Variants in TRPS1 observed in about 807,000 individuals in gnomAD.
TRPS1 encodes the protein transcriptional repressor GATA binding 1, also known as zinc finger transcription factor Trps1.
A neutral mutation model predicts 101.2 loss-of-function variants in TRPS1; 6 were observed. That is an observed-to-expected ratio of 0.06 (90% CI 0.03 to 0.12). TRPS1 has a LOEUF of 0.12. Among genes scored for constraint, TRPS1 ranks in the 10% least tolerant of loss-of-function variants. The pLI, the probability that TRPS1 is intolerant of heterozygous loss-of-function variation, is 1.00. For missense variants in TRPS1, 1,363 were observed against 1,567.0 expected, an observed-to-expected ratio of 0.87 and a Z score of 2.20; for synonymous variants, 578 against 589.8, an observed-to-expected ratio of 0.98 and a Z score of 0.29.
At chr8:115,626,628 C>G (rs371222165) in intron 1 of TRPS1, among the ~76,000 whole-genome samples, 1 of 151,770 alleles carries the variant, frequency 6.6e-6, no homozygotes, top group East Asian at 1.9e-4. Flanking sequence ...AATGTCAACA[C>G]CTTCAAACAA....
At chr8:115,545,951 G>A (rs1281148167) in intron 5 of TRPS1, among the ~76,000 whole-genome samples, 1 of 151,946 alleles carries the variant, frequency 6.6e-6, no homozygotes, top group African/African-American at 2.4e-5. Flanking sequence ...AATAAAACTT[G>A]CAGATAACCT....
At chr8:115,520,144 A>G (rs1815822293) in intron 5 of TRPS1, among the ~76,000 whole-genome samples, 1 of 151,696 alleles carries the variant, frequency 6.6e-6, no homozygotes, top group South Asian at 2.1e-4. Context: ...GCATTAATAT[A>G]TGTCCTGATT....
At chr8:115,455,173 C>T (rs1813985333) in intron 5 of TRPS1, among the ~76,000 whole-genome samples, 1 of 152,128 alleles carries the variant, frequency 6.6e-6, no homozygotes, top group Non-Finnish European at 1.5e-5. Context: ...GCACATATTG[C>T]CACAAAGGCA....
intron 5 of TRPS1, among the ~76,000 whole-genome samples, chr8:115,531,028 A>G (rs908598657): frequency 6.6e-6 from 1 of 152,172 alleles, no homozygotes; most frequent in Admixed American, 6.5e-5. Context: ...ATGTATACAT[A>G]TGTAACAAAC....
intron 1 of TRPS1, among the ~76,000 whole-genome samples, chr8:115,660,870 C>T (rs1257132263): frequency 6.6e-6 from 1 of 151,802 alleles, no homozygotes; most frequent in East Asian, 1.9e-4. Context: ...ATAGATCAAC[C>T]CTCAAAACCA....
At chr8:115,630,812 C>A (rs1234369458) in intron 1 of TRPS1, among the ~76,000 whole-genome samples, 1 of 151,986 alleles carries the variant, frequency 6.6e-6, no homozygotes, top group African/African-American at 2.4e-5. Flanking sequence ...AGCACATGAA[C>A]AAGTTGGGTC....
chr8:115,455,755 TTTTCTTTC>T (rs35585069), intron 5 of TRPS1, among the ~76,000 whole-genome samples: 2 of 139,334 alleles, frequency 1.4e-5, no homozygotes, highest in Middle Eastern at 4.0e-3. Flanking sequence ...GCTTTTTTCT[TTTTCTTTC>T]TTTCTTTCTT....
At chr8:115,473,879 C>T (rs1384810) in intron 5 of TRPS1, among the ~76,000 whole-genome samples, 104,075 of 152,050 alleles carry the variant, frequency 0.68, 37,232 homozygotes, top group African/African-American at 0.89. Context: ...GTTTCATTAA[C>T]ATTTAGAGGA....
At chr8:115,628,918 C>A (rs1262996729) in intron 1 of TRPS1, among the ~76,000 whole-genome samples, 1 of 151,700 alleles carries the variant, frequency 6.6e-6, no homozygotes, top group Non-Finnish European at 1.5e-5. Context: ...CCCAGAGATC[C>A]ACAATGTACA....
intron 5 of TRPS1, among the ~76,000 whole-genome samples, chr8:115,453,431 C>T (rs917466651): frequency 2.0e-5 from 3 of 152,200 alleles, no homozygotes; most frequent in African/African-American, 7.2e-5. Context: ...GAATCCATGT[C>T]TCAATGTGCT....
At chr8:115,454,886 C>T (rs1486609685) in intron 5 of TRPS1, among the ~76,000 whole-genome samples, 1 of 152,042 alleles carries the variant, frequency 6.6e-6, no homozygotes, top group African/African-American at 2.4e-5. Flanking sequence ...TAATTCATTA[C>T]TAGATTGTTG....
At chr8:115,426,623 C>T (rs750144517) in intron 5 of TRPS1, among the ~76,000 whole-genome samples, 1 of 152,078 alleles carries the variant, frequency 6.6e-6, no homozygotes. Context: ...AGTGGTTCCT[C>T]GATGGTTTCT....
chr8:115,533,138 G>T (rs973724111), intron 5 of TRPS1, among the ~76,000 whole-genome samples: 3 of 152,114 alleles, frequency 2.0e-5, no homozygotes, highest in African/African-American at 7.2e-5. Flanking sequence ...CTGAATGCTG[G>T]AATATGAGAG....
intron 5 of TRPS1, among the ~76,000 whole-genome samples, chr8:115,451,350 C>T (rs940316242): frequency 1.3e-5 from 2 of 151,578 alleles, no homozygotes; most frequent in African/African-American, 2.4e-5. Context: ...GTATTTTCTA[C>T]GTACCAGACA....
intron 6 of TRPS1, among the ~76,000 whole-genome samples, chr8:115,415,494 G>T (rs1812897162): frequency 6.6e-6 from 1 of 152,084 alleles, no homozygotes; most frequent in Non-Finnish European, 1.5e-5. Context: ...GATACATATT[G>T]TTAACAGTGG....
intron 5 of TRPS1, among the ~76,000 whole-genome samples, chr8:115,543,714 A>G (rs1816507596): frequency 6.6e-6 from 1 of 152,150 alleles, no homozygotes; most frequent in African/African-American, 2.4e-5. Flanking sequence ...AATGAACCAA[A>G]GCCAACACAA....
chr8:115,458,033 C>T (rs1283491154), intron 5 of TRPS1, among the ~76,000 whole-genome samples: 1 of 152,002 alleles, frequency 6.6e-6, no homozygotes, highest in Non-Finnish European at 1.5e-5. Flanking sequence ...ATGAAAAGGC[C>T]AAAATGAGGG....
intron 5 of TRPS1, among the ~76,000 whole-genome samples, chr8:115,478,945 A>C (rs1034118681): frequency 2.0e-5 from 3 of 149,080 alleles, no homozygotes; most frequent in Non-Finnish European, 4.4e-5. Context: ...ATGTATATAA[A>C]TGTATACATG....
rs1817995026 is a variant in TRPS1 at position 115,604,723 on chromosome 8, C to G, written c.1246G>C (p.Val416Leu). The G allele has an allele frequency of 1.2e-6, 2 of 1,613,738 alleles. No homozygotes were observed. The change falls in exon 4 of 7, where the codon GTC (valine) becomes CTC (leucine). Residue 416 changes from valine (V) to leucine (L), a missense_variant. Around this residue, in one of 5 missense-constraint regions of TRPS1, gnomAD observed 1,020 missense variants for 1,073.0 expected, o/e 0.95. Transcript: ENST00000395715. The surrounding 1 kb of genome is among the most constrained non-coding windows in gnomAD (Gnocchi z 4.1). ...ACAGGAGTGTCATCTCCTGCTTTGA[C>G]TGTTATCTTGTCCTGCCATTTTCCC... is the stretch of plus-strand genomic sequence containing the variant. The part of the protein sequence containing the change: ...DLGKWQDKIT[V>L]KAGDDTPVGY...
Sources: allele counts gnomAD v4.1 joint callset (sites outside exome capture counted in the v4.1 genomes callset), GRCh38; gene constraint gnomAD v4.1.1; regional missense constraint gnomAD v4.1.1; non-coding constraint Gnocchi (gnomAD v3.1); transcripts MANE v1.5; gene names NCBI Gene and HGNC (gene_info 2026-07-23, HGNC 2026-07-21).